Variants in CCNB1 observed in about 807,000 individuals in gnomAD.
The protein encoded by CCNB1 is cyclin B1.
Under a neutral mutation model 44.4 loss-of-function variants are expected in CCNB1, and 26 were observed. That is an observed-to-expected ratio of 0.59 (90% CI 0.43 to 0.81). CCNB1 has a LOEUF of 0.81. Ranked by LOEUF, CCNB1 falls within the 40% of genes least tolerant of loss-of-function variation. The pLI is 0.00. For synonymous variants in CCNB1, 195 were observed against 181.4 expected (o/e 1.08, Z -0.60); for missense variants, 477 against 520.9 (o/e 0.92, Z 0.82).
rs1339337937 is a variant in CCNB1 at position 69,174,557 on chromosome 5, G to A, written c.705+148G>A. 22 of 772,744 alleles carry A rather than the reference G, an allele frequency of 2.8e-5. No homozygotes were observed. The East Asian group carries it at 5.4e-4, about 19-fold the overall frequency. The allele number at this position is 772,744 out of a possible 1,614,324, so 47.9% of individuals were successfully genotyped here. ...AAGGTTAGGAGATCGAGACCATCCTGGCCAACGCAGTAAAACCCTGTCTCT... is the reference window on the plus strand; with the variant it reads ...AAGGTTAGGAGATCGAGACCATCCTAGCCAACGCAGTAAAACCCTGTCTCT... On this transcript the variant is annotated intron_variant, in intron 5 of 8. Coordinates refer to ENST00000256442, the MANE Select transcript of CCNB1 (RefSeq NM_031966.4).
intron 7 of CCNB1, 59 bp downstream of exon 7, chr5:69,175,596 G>T: frequency 6.5e-7 from 1 of 1,526,838 alleles, no homozygotes; most frequent in South Asian, 1.2e-5. Flanking sequence ...ACTAAATACA[G>T]AACTTTTGTT....
chr5:69,175,046 C>T lies in CCNB1; in HGVS notation c.875C>T (p.Ala292Val). ...IRQMEMKILRALNFGLGRPLP... is the reference protein window; with the variant it reads ...IRQMEMKILRVLNFGLGRPLP... ...CAGATGGAAATGAAGATTCTAAGAG[C>T]TTTAAACTTTGGTCTGGGTCGGCCT... is the stretch of plus-strand genomic sequence containing the variant. The change falls in exon 6 of 9, where the codon GCT becomes GTT. Residue 292 changes from alanine (A) to valine (V), a missense_variant. Physicochemically the swap from Ala to Val is moderately conservative, Grantham distance 64. Transcript: ENST00000256442. 6.2e-7 allele frequency: 1 copy of T among 1,614,204 alleles called. No individual in the cohort carries two copies. The highest frequency in any genetic ancestry group is 8.5e-7 in the Non-Finnish European group (1 of 1,180,038).
intron 7 of CCNB1, 194 bp from the exon 8 acceptor site, chr5:69,177,045 A>G: frequency 2.3e-6 from 1 of 432,176 alleles, no homozygotes; most frequent in Non-Finnish European, 4.1e-6. Flanking sequence ...AGCAATTACA[A>G]AAGTGCAATT....
At chr5:69,173,621 T>G (rs921104236) in intron 4 of CCNB1, among the ~76,000 whole-genome samples, 1 of 152,190 alleles carries the variant, frequency 6.6e-6, no homozygotes, top group African/African-American at 2.4e-5. Flanking sequence ...GTTCTAAGTT[T>G]AGAGGCTTAA....
chr5:69,171,376 A>G lies in CCNB1; in HGVS notation c.470A>G (p.Asp157Gly). 6.2e-7 allele frequency: 1 copy of G among 1,614,054 alleles called. No homozygotes were observed. The highest frequency in any genetic ancestry group is 8.5e-7 in the Non-Finnish European group (1 of 1,179,928). ...SDVILAVNDV[D>G]AEDGADPNLC... ...GTAATTCTTGCAGTAAATGATGTGGATGCAGAAGATGGAGCTGATCCAAAC... is the reference window on the plus strand; with the variant it reads ...GTAATTCTTGCAGTAAATGATGTGGGTGCAGAAGATGGAGCTGATCCAAAC... The change falls in exon 4 of 9, where the codon GAT becomes GGT. Residue 157 changes from aspartate (D) to glycine (G), a missense_variant. Asp to Gly is a moderately conservative substitution (Grantham distance 94). Coordinates refer to ENST00000256442, the MANE Select transcript of CCNB1 (RefSeq NM_031966.4).
intron 6 of CCNB1, 51 bp from the exon 7 acceptor site, chr5:69,175,346 G>A (rs2112058131): frequency 1.3e-6 from 2 of 1,595,526 alleles, no homozygotes; most frequent in Non-Finnish European, 1.7e-6. Context: ...GCAGGTTAGT[G>A]CCAAAGGAAA....
At chr5:69,174,638 A>G (rs1034865957) in intron 5 of CCNB1, among the ~76,000 whole-genome samples, 1 of 152,044 alleles carries the variant, frequency 6.6e-6, no homozygotes, top group Non-Finnish European at 1.5e-5. Context: ...AGTCCCAGCT[A>G]CTGGAGGCGG....
rs754571496 is a variant in CCNB1 at position 69,171,297 on chromosome 5, G to A, written c.391G>A (p.Glu131Lys). 2 of 1,610,650 alleles carry A rather than the reference G, an allele frequency of 1.2e-6. No individual in the cohort carries two copies. Among genetic ancestry groups the A allele is most frequent in the South Asian group, 1.1e-5 (1 of 90,014 alleles). Residue 131 changes from glutamate (E) to lysine (K), a missense_variant, in exon 4 of 9, where the codon GAA becomes AAA. Glu to Lys is a moderately conservative substitution (Grantham distance 56, BLOSUM62 1). Coordinates refer to ENST00000256442, the MANE Select transcript of CCNB1 (RefSeq NM_031966.4). The part of the protein sequence containing the change: ...LVDTASPSPM[E>K]TSGCAPAEED... ...TGATACTGCCTCTCCAAGCCCAATG[G>A]AAACATCTGGATGTGCCCCTGCAGA...
rs192220519 is a variant in CCNB1, at chr5:69,178,194, T to C, written c.*563T>C. ...ATGAGAATTTTATATTCTAAGCCAGTTTTCATTTTGGTTTTGTGTTTTGGT... is the reference window on the plus strand; with the variant it reads ...ATGAGAATTTTATATTCTAAGCCAGCTTTCATTTTGGTTTTGTGTTTTGGT... On this transcript the variant is annotated 3_prime_UTR_variant, in exon 9 of 9. Coordinates refer to ENST00000256442, the MANE Select transcript of CCNB1 (RefSeq NM_031966.4). The C allele has an allele frequency of 6.6e-6, 1 of 152,334 alleles. No homozygotes were observed. The highest frequency in any genetic ancestry group is 1.9e-4 in the East Asian group (1 of 5,192). The allele number at this position is 152,334 out of a possible 1,614,324, so 9.4% of individuals were successfully genotyped here. A position where few individuals can be genotyped will look rare whatever the true frequency, so the allele number is the denominator to read the frequency against.
chr5:69,167,855 G>C, intron 1 of CCNB1, 53 bp from the exon 2 acceptor site: 1 of 1,511,102 alleles, frequency 6.6e-7, no homozygotes, highest in Non-Finnish European at 9.0e-7. Context: ...ATTAACCCTT[G>C]ACTTACTCGA....
At chr5:69,174,207 C>A in intron 4 of CCNB1, 44 bp from the exon 5 acceptor site, 1 of 1,588,048 alleles carries the variant, frequency 6.3e-7, no homozygotes, top group Non-Finnish European at 8.6e-7. Context: ...AAATGTGTCA[C>A]ATGGAGTCAT....
chr5:69,167,479 G>A (rs1747361538), intron 1 of CCNB1, 196 bp downstream of exon 1: 2 of 590,194 alleles, frequency 3.4e-6, no homozygotes, highest in East Asian at 6.1e-5. Context: ...TGGATGGAGG[G>A]AGGAAGGTGA....
chr5:69,168,032 G>C lies in CCNB1; in HGVS notation c.146G>C (p.Gly49Ala), dbSNP rs560413531. 7 of 1,614,170 alleles carry C rather than the reference G, an allele frequency of 4.3e-6. No individual in the cohort carries two copies. In the South Asian group the frequency reaches 7.7e-5, roughly 18 times the overall value. The change falls in exon 2 of 9, where the codon GGT becomes GCT. Residue 49 changes from glycine to alanine, a missense_variant. Physicochemically the swap from Gly to Ala is moderately conservative, Grantham distance 60. Coordinates refer to ENST00000256442, the MANE Select transcript of CCNB1 (RefSeq NM_031966.4). ...CCAAGAACAGCTCTTGGGGACATTG[G>C]TAACAAAGTCAGTGAACAACTGCAG... ...LRPRTALGDI[G>A]NKVSEQLQAK...
At chr5:69,173,754 A>C (rs1747515442) in intron 4 of CCNB1, among the ~76,000 whole-genome samples, 1 of 151,924 alleles carries the variant, frequency 6.6e-6, no homozygotes, top group South Asian at 2.1e-4. Flanking sequence ...GTCCTATCTA[A>C]TGTTTGCCTT....
At chr5:69,175,212 C>A in intron 6 of CCNB1, 99 bp downstream of exon 6, 1 of 1,040,266 alleles carries the variant, frequency 9.6e-7, no homozygotes, top group Non-Finnish European at 1.5e-6. Context: ...TTATACCTAA[C>A]TACATGGGGA....
intron 3 of CCNB1, among the ~76,000 whole-genome samples, chr5:69,171,061 C>T (rs2069430): frequency 0.025 from 3,852 of 152,152 alleles, 165 homozygotes; most frequent in African/African-American, 0.086. Flanking sequence ...TGTGAGCCAC[C>T]GCGCCCAACC....
chr5:69,175,646 A>G (rs1747568460), intron 7 of CCNB1, 109 bp downstream of exon 7: 1 of 994,632 alleles, frequency 1.0e-6, no homozygotes, highest in Non-Finnish European at 1.5e-6. Context: ...TATGGGATCT[A>G]CTGAAGGAAT....
At chr5:69,176,680 C>T (rs1747602442) in intron 7 of CCNB1, among the ~76,000 whole-genome samples, 1 of 151,170 alleles carries the variant, frequency 6.6e-6, no homozygotes, top group Non-Finnish European at 1.5e-5. Flanking sequence ...TACCCTAGGT[C>T]TTAAGAATAG....
At chr5:69,169,687 CTG>C (rs767694888) in intron 3 of CCNB1, among the ~76,000 whole-genome samples, 8 of 152,178 alleles carry the variant, frequency 5.3e-5, no homozygotes, top group Non-Finnish European at 1.0e-4. Flanking sequence ...GAGTCTCACT[CTG>C]TTGCCCAGAC....
Sources: gnomAD v4.1 joint callset for allele counts (sites outside exome capture counted in the v4.1 genomes callset) on GRCh38, gnomAD v4.1.1 for gene constraint, MANE v1.5 for transcripts, NCBI Gene and HGNC (gene_info 2026-07-23, HGNC 2026-07-21) for gene names.